KIRREL3: variants seen among roughly 807,000 people sequenced by gnomAD.
KIRREL3 encodes the protein kirre like nephrin family adhesion molecule 3, also known as kin of IRRE-like protein 3.
In KIRREL3, 36 loss-of-function variants were observed where a neutral mutation model predicts 89.7. The ratio of observed to expected loss-of-function variants is 0.40; its 90% CI spans 0.31 to 0.53. The LOEUF (loss-of-function observed/expected upper bound fraction) is 0.53, where lower values mean the gene tolerates loss of function less well. Among genes scored for constraint, KIRREL3 ranks in the 20% least tolerant of loss-of-function variants. The pLI is 0.49. For missense variants in KIRREL3, 864 were observed against 1,056.6 expected (o/e 0.82, Z 2.53); for synonymous variants, 445 against 441.4 (o/e 1.01, Z -0.10).
chr11:126,439,828 CACAA>C (rs367559516), intron 11 of KIRREL3, among the ~76,000 whole-genome samples: 2 of 151,274 alleles, frequency 1.3e-5, no homozygotes, highest in East Asian at 2.0e-4. Context: ...AAAAAACAAA[CACAA>C]ACAAACAAAC....
intron 1 of KIRREL3, among the ~76,000 whole-genome samples, chr11:126,923,129 C>CTTCTCT (rs1555090094): frequency 3.9e-5 from 1 of 25,732 alleles, no homozygotes; most frequent in Non-Finnish European, 7.8e-5. Flanking sequence ...TCTCCTTCTT[C>CTTCTCT]TCTTCTTCTT....
Position 126,519,481 on chromosome 11 carries a change from C to T in KIRREL3, c.433+1834G>A, listed in dbSNP as rs570041751. ...TAATACGTTGGACTTTTTTACGTAA[C>T]GTAGAGTTGAGAGGAAAGGAAGTGT... is the stretch of plus-strand genomic sequence containing the variant. On this transcript the variant is annotated intron_variant, in intron 4 of 16. Transcript: ENST00000525144. The surrounding 1 kb of genome is among the most constrained non-coding windows in gnomAD (Gnocchi z 4.3). Among the ~76,000 whole-genome samples the T allele has an allele frequency of 1.2e-4, 18 of 152,254 alleles. 1 individual carries two copies. The highest frequency in any genetic ancestry group is 3.4e-3 in the Middle Eastern group (1 of 294).
chr11:126,605,565 A>G lies in KIRREL3; in HGVS notation c.56-42653T>C, dbSNP rs992761624. Among the ~76,000 whole-genome samples the G allele has an allele frequency of 6.6e-6, 1 of 152,248 alleles. No individual in the cohort carries two copies. The highest frequency in any genetic ancestry group is 1.5e-5 in the Non-Finnish European group (1 of 68,046). The stretch of plus-strand genomic sequence containing the variant: ...GCGCACGCAAATAGGAGCTCTGCTC[A>G]CAGCCTGTGCTGGGCACTTCATTTC... On this transcript the variant is annotated intron_variant, in intron 1 of 16. Transcript: ENST00000525144. This position sits in a 1 kb window ranked among gnomAD's most constrained non-coding sequence, Gnocchi z 5.7.
intron 7 of KIRREL3, among the ~76,000 whole-genome samples, chr11:126,450,366 T>G (rs761255669): frequency 2.7e-5 from 4 of 149,610 alleles, no homozygotes; most frequent in Non-Finnish European, 4.4e-5. Flanking sequence ...CATGTGTGCA[T>G]GTGTGAGTGT....
chr11:126,834,625 G>A (rs1183786638), intron 1 of KIRREL3, among the ~76,000 whole-genome samples: 5 of 152,230 alleles, frequency 3.3e-5, no homozygotes, highest in Admixed American at 6.5e-5. Context: ...AAATTCTGAC[G>A]TCTAAGAGTC....
At chr11:126,633,905 G>A (rs939539114) in intron 1 of KIRREL3, among the ~76,000 whole-genome samples, 2 of 152,184 alleles carry the variant, frequency 1.3e-5, no homozygotes, top group African/African-American at 4.8e-5. Context: ...CAGAGATTTT[G>A]TTCACATGGT....
intron 15 of KIRREL3, among the ~76,000 whole-genome samples, chr11:126,426,806 C>G (rs888386756): frequency 3.9e-5 from 6 of 152,208 alleles, no homozygotes; most frequent in African/African-American, 1.4e-4. Flanking sequence ...AAAGTGCGGC[C>G]ACCCGGCTGC....
Position 126,807,768 on chromosome 11 carries a change from T to C in KIRREL3, c.55+192687A>G, listed in dbSNP as rs7950217. On this transcript the variant is annotated intron_variant, in intron 1 of 16. Coordinates refer to ENST00000525144, the MANE Select transcript of KIRREL3 (RefSeq NM_032531.4). The surrounding 1 kb of genome is among the most constrained non-coding windows in gnomAD (Gnocchi z 4.3). ...TGTCTACTCTGATGTGGTTGGAGAG[T>C]CCTTTAATGGGTGCTGCTGATGGCT... is the stretch of plus-strand genomic sequence containing the variant. 0.015 allele frequency among the ~76,000 whole-genome samples: 2,263 copies of C among 152,268 alleles called. 42 individuals are homozygous for C. The highest frequency in any genetic ancestry group is 0.047 in the African/African-American group (1,962 of 41,554).
chr11:126,637,573 A>C (rs1944315211), intron 1 of KIRREL3, among the ~76,000 whole-genome samples: 1 of 152,210 alleles, frequency 6.6e-6, no homozygotes, highest in Admixed American at 6.5e-5. Flanking sequence ...GTTTATTTCA[A>C]TTCAAAGAAA....
chr11:126,894,822 G>GATCT (rs1377141003), intron 1 of KIRREL3, among the ~76,000 whole-genome samples: 2 of 152,240 alleles, frequency 1.3e-5, no homozygotes, highest in Admixed American at 1.3e-4. Flanking sequence ...TAGTGGGCCT[G>GATCT]ATCTATTCAG....
At chr11:126,949,781 G>T (rs1482066141) in intron 1 of KIRREL3, among the ~76,000 whole-genome samples, 3 of 152,154 alleles carry the variant, frequency 2.0e-5, no homozygotes, top group East Asian at 3.9e-4. Flanking sequence ...AAGAGAGAAG[G>T]GCTGCTAAGA....
rs1255408403 is a variant in KIRREL3, at chr11:126,837,992, C to T, written c.55+162463G>A. Among the ~76,000 whole-genome samples, 1 of 152,168 alleles carries T rather than the reference C, an allele frequency of 6.6e-6. No homozygotes were observed. Reference sequence around the variant, plus strand: ...TTTGGAATTCACGTTATTTATATTACTAATCCTGTCCCCAGACCTGTAAGT... The same window carrying T: ...TTTGGAATTCACGTTATTTATATTATTAATCCTGTCCCCAGACCTGTAAGT... On this transcript the variant is annotated intron_variant, in intron 1 of 16. Coordinates refer to ENST00000525144, the MANE Select transcript of KIRREL3 (RefSeq NM_032531.4). This position sits in a 1 kb window ranked among gnomAD's most constrained non-coding sequence, Gnocchi z 4.7.
chr11:126,591,264 C>T (rs1344451646), intron 1 of KIRREL3, among the ~76,000 whole-genome samples: 1 of 152,182 alleles, frequency 6.6e-6, no homozygotes, highest in Non-Finnish European at 1.5e-5. Flanking sequence ...GATTCAAATG[C>T]TGTATTAAGA....
Position 126,668,371 on chromosome 11 carries a change from G to A in KIRREL3, c.56-105459C>T, listed in dbSNP as rs1016839741. Among the ~76,000 whole-genome samples, 2 of 152,182 alleles carry A rather than the reference G, an allele frequency of 1.3e-5. No individual in the cohort carries two copies. Among genetic ancestry groups the A allele is most frequent in the African/African-American group, 4.8e-5 (2 of 41,438 alleles). The stretch of plus-strand genomic sequence containing the variant: ...CACCTCCTAATACCGTAGCCTTGGA[G>A]GTGAGAATTTTAGCTTATGAATTTG... On this transcript the variant is annotated intron_variant, in intron 1 of 16. Coordinates refer to ENST00000525144, the MANE Select transcript of KIRREL3 (RefSeq NM_032531.4). The surrounding 1 kb of genome is among the most constrained non-coding windows in gnomAD (Gnocchi z 4.4).
At chr11:126,584,276 T>C (rs1392302609) in intron 1 of KIRREL3, among the ~76,000 whole-genome samples, 3 of 152,212 alleles carry the variant, frequency 2.0e-5, no homozygotes, top group African/African-American at 7.2e-5. Context: ...AATTAGGGCG[T>C]TGGCGTTCCC....
intron 13 of KIRREL3, among the ~76,000 whole-genome samples, chr11:126,433,102 C>T (rs566759119): frequency 4.6e-4 from 70 of 152,222 alleles, no homozygotes; most frequent in Non-Finnish European, 8.4e-4. Context: ...TGGTCTCAAA[C>T]TCCTGACCTC....
intron 1 of KIRREL3, among the ~76,000 whole-genome samples, chr11:126,856,815 G>C (rs561899032): frequency 1.3e-5 from 2 of 151,830 alleles, no homozygotes; most frequent in Non-Finnish European, 2.9e-5. Context: ...GGATGGTCTC[G>C]ATCTCCTGAC....
intron 1 of KIRREL3, among the ~76,000 whole-genome samples, chr11:126,733,367 A>G (rs914225976): frequency 1.3e-5 from 2 of 152,200 alleles, no homozygotes; most frequent in African/African-American, 4.8e-5. Flanking sequence ...CGTAAGCTCA[A>G]GACACCTGAG....
At chr11:126,956,434 G>A (rs946564673) in intron 1 of KIRREL3, among the ~76,000 whole-genome samples, 2 of 152,162 alleles carry the variant, frequency 1.3e-5, no homozygotes, top group African/African-American at 4.8e-5. Flanking sequence ...CACATGTCTA[G>A]TCATTTTAAT....
Sources: allele counts gnomAD v4.1 joint callset (sites outside exome capture counted in the v4.1 genomes callset), GRCh38; gene constraint gnomAD v4.1.1; non-coding constraint Gnocchi (gnomAD v3.1); transcripts MANE v1.5; gene names NCBI Gene and HGNC (gene_info 2026-07-23, HGNC 2026-07-21).